Variants in LRRC1 observed in about 807,000 individuals in gnomAD.
LRRC1 encodes leucine-rich repeat-containing protein 1.
In LRRC1, 28 loss-of-function variants were observed where a neutral mutation model predicts 69.9. The observed-to-expected ratio is 0.40, with a 90% CI of 0.30 to 0.55. LRRC1 has a LOEUF of 0.55. Among genes scored for constraint, LRRC1 ranks in the 20% least tolerant of loss-of-function variants. The pLI is 0.47. For missense variants in LRRC1, 498 were observed against 609.0 expected (o/e 0.82, Z 1.92); for synonymous variants, 236 against 240.2 (o/e 0.98, Z 0.16).
intron 4 of LRRC1, among the ~76,000 whole-genome samples, chr6:53,886,714 T>TG (rs1767492343): frequency 6.6e-6 from 1 of 152,210 alleles, no homozygotes; most frequent in African/African-American, 2.4e-5. Context: ...CCAAACTGGC[T>TG]GGGGTGTTTC....
intron 1 of LRRC1, among the ~76,000 whole-genome samples, chr6:53,829,230 A>G (rs1213914138): frequency 6.6e-6 from 1 of 152,182 alleles, no homozygotes; most frequent in Non-Finnish European, 1.5e-5. Flanking sequence ...CCAGGCAGGT[A>G]ATCTCTCTGT....
chr6:53,870,737 T>C (rs1766855147), intron 2 of LRRC1, among the ~76,000 whole-genome samples: 1 of 152,210 alleles, frequency 6.6e-6, no homozygotes, highest in East Asian at 1.9e-4. Context: ...CTAGAACTTA[T>C]TCCTCTTATC....
chr6:53,880,651 C>G (rs1455282806), intron 3 of LRRC1, among the ~76,000 whole-genome samples: 2 of 152,222 alleles, frequency 1.3e-5, no homozygotes, highest in Non-Finnish European at 2.9e-5. Flanking sequence ...TTCCCAATTA[C>G]TATCCACAGG....
intron 3 of LRRC1, among the ~76,000 whole-genome samples, chr6:53,882,088 C>T (rs1767309707): frequency 1.3e-5 from 2 of 152,124 alleles, no homozygotes; most frequent in African/African-American, 4.8e-5. Flanking sequence ...GTGGCTCACA[C>T]CTGTAATCCC....
intron 11 of LRRC1, among the ~76,000 whole-genome samples, chr6:53,916,046 G>A (rs975917604): frequency 6.6e-6 from 1 of 152,122 alleles, no homozygotes; most frequent in African/African-American, 2.4e-5. Context: ...CAGTTTGGTA[G>A]GATAAATTAT....
intron 2 of LRRC1, among the ~76,000 whole-genome samples, chr6:53,878,330 C>T (rs1264270407): frequency 2.0e-5 from 3 of 152,142 alleles, no homozygotes; most frequent in African/African-American, 7.2e-5. Context: ...ATTTACTGTG[C>T]ACTTTATTTC....
chr6:53,850,062 CTTT>C (rs11408594), intron 2 of LRRC1, among the ~76,000 whole-genome samples: 3 of 145,228 alleles, frequency 2.1e-5, no homozygotes, highest in African/African-American at 2.5e-5. Context: ...AATAAGATTT[CTTT>C]TTTTTTTTTT....
At chr6:53,879,372 G>A (rs1190789433) in intron 3 of LRRC1, among the ~76,000 whole-genome samples, 15 of 152,142 alleles carry the variant, frequency 9.9e-5, no homozygotes, top group African/African-American at 1.4e-4. Context: ...TGCAACCTCC[G>A]CCTTCCGGGT....
At chr6:53,801,755 TTAA>T (rs1287316278) in intron 1 of LRRC1, among the ~76,000 whole-genome samples, 1 of 152,170 alleles carries the variant, frequency 6.6e-6, no homozygotes, top group Non-Finnish European at 1.5e-5. Context: ...CTGTGACATA[TTAA>T]TAATAATTAT....
In LRRC1 at chr6:53,816,471, CAT is replaced by C. The variant is rs562016181; in HGVS notation, c.159+21059_159+21060del. 3.3e-3 allele frequency among the ~76,000 whole-genome samples: 505 copies of C among 151,772 alleles called. 1 individual carries two copies. Among genetic ancestry groups the C allele is most frequent in the Middle Eastern group, 0.014 (4 of 292 alleles). ...CTTCTTGAATCTCGTATGAAAGAAA[CAT>C]ATGGGAAAGAGAAATCACTGAGATG... On this transcript the variant is annotated intron_variant, in intron 1 of 13. Coordinates refer to ENST00000370888, the MANE Select transcript of LRRC1 (RefSeq NM_018214.5).
chr6:53,803,955 C>T (rs1764564400), intron 1 of LRRC1, among the ~76,000 whole-genome samples: 1 of 152,100 alleles, frequency 6.6e-6, no homozygotes, highest in African/African-American at 2.4e-5. Flanking sequence ...GAGAACCAGG[C>T]GCCTGAGTCA....
chr6:53,842,151 T>G lies in LRRC1; in HGVS notation c.201T>G (p.Ser67Arg), dbSNP rs1765809526. The G allele has an allele frequency of 6.2e-7, 1 of 1,614,008 alleles. No individual in the cohort carries two copies. Among genetic ancestry groups the G allele is most frequent in the Non-Finnish European group, 8.5e-7 (1 of 1,179,918 alleles). ...QLVKLRKLGL[S>R]DNEIQRLPPE... ...TCAAATTACGAAAGCTTGGACTTAG[T>G]GATAATGAAATTCAGCGGCTCCCTC... Residue 67 changes from serine (S) to arginine (R), a missense_variant, in exon 2 of 14, where the codon AGT becomes AGG. Transcript: ENST00000370888.
intron 2 of LRRC1, 77 bp from the exon 3 acceptor site, chr6:53,878,916 G>A: frequency 2.6e-6 from 2 of 782,232 alleles, no homozygotes; most frequent in Non-Finnish European, 4.4e-6. Context: ...ATTCTCTTGT[G>A]AGTGTGATCC....
chr6:53,836,152 G>A (rs149151025), intron 1 of LRRC1, among the ~76,000 whole-genome samples: 2,876 of 152,292 alleles, frequency 0.019, 42 homozygotes, highest in Non-Finnish European at 0.029. Context: ...CTGGCAGCTG[G>A]CACTAACTGC....
chr6:53,909,509 C>A (rs1321283224), intron 10 of LRRC1, among the ~76,000 whole-genome samples: 1 of 151,876 alleles, frequency 6.6e-6, no homozygotes, highest in Non-Finnish European at 1.5e-5. Context: ...TACTGATTAT[C>A]CCTTTGTGGT....
At chr6:53,888,789 A>G (rs1361521151) in intron 4 of LRRC1, among the ~76,000 whole-genome samples, 1 of 152,222 alleles carries the variant, frequency 6.6e-6, no homozygotes, top group Non-Finnish European at 1.5e-5. Context: ...TCTTTGTGAC[A>G]TTGGATTAAG....
chr6:53,802,259 T>C (rs541083131), intron 1 of LRRC1, among the ~76,000 whole-genome samples: 2 of 152,180 alleles, frequency 1.3e-5, no homozygotes, highest in South Asian at 2.1e-4. Flanking sequence ...GAGGAGAGAA[T>C]AGAGTCCGGG....
intron 4 of LRRC1, chr6:53,884,097 T>C: frequency 1.4e-6 from 1 of 693,606 alleles, no homozygotes. Flanking sequence ...CAGGAAGCCC[T>C]CAATACACTC....
At chr6:53,903,584 C>T (rs1213906570) in intron 9 of LRRC1, among the ~76,000 whole-genome samples, 1 of 135,346 alleles carries the variant, frequency 7.4e-6, no homozygotes, top group African/African-American at 2.6e-5. Flanking sequence ...TTCGCTTTTC[C>T]TTTTCCCTTT....
Sources: allele counts gnomAD v4.1 joint callset (sites outside exome capture counted in the v4.1 genomes callset), GRCh38; gene constraint gnomAD v4.1.1; transcripts MANE v1.5; gene names NCBI Gene and HGNC (gene_info 2026-07-23, HGNC 2026-07-21).